GHR: variants seen among roughly 807,000 people sequenced by gnomAD.
The protein encoded by GHR is growth hormone receptor, also known as GH receptor.
A neutral mutation model predicts 67.1 loss-of-function variants in GHR; 35 were observed. The observed-to-expected ratio is 0.52, with a 90% CI of 0.40 to 0.69. GHR has a LOEUF of 0.69. Ranked by LOEUF, GHR falls within the 30% of genes least tolerant of loss-of-function variation. GHR has a pLI of 0.00. For missense variants in GHR, 792 were observed against 764.6 expected, an observed-to-expected ratio of 1.04 and a Z score of -0.42; for synonymous variants, 272 against 269.1, an observed-to-expected ratio of 1.01 and a Z score of -0.10.
At chr5:42,706,375 C>A (rs1049655780) in intron 6 of GHR, among the ~76,000 whole-genome samples, 1 of 152,126 alleles carries the variant, frequency 6.6e-6, no homozygotes, top group Non-Finnish European at 1.5e-5. Context: ...TTTTGCTGTG[C>A]AGAAGCTCTT....
At chr5:42,433,890 G>A (rs1396768) in intron 1 of GHR, among the ~76,000 whole-genome samples, 33,064 of 151,676 alleles carry the variant, frequency 0.22, 3,899 homozygotes, top group Middle Eastern at 0.28. Flanking sequence ...TTTGTTATCC[G>A]TTGGAAGCTC....
At chr5:42,597,924 T>A (rs1380257445) in intron 2 of GHR, among the ~76,000 whole-genome samples, 1 of 152,186 alleles carries the variant, frequency 6.6e-6, no homozygotes, top group Non-Finnish European at 1.5e-5. Flanking sequence ...GGGATTCAAG[T>A]ACAAAATAGT....
chr5:42,711,361 C>A lies in GHR; in HGVS notation c.773C>A (p.Thr258Lys). 6.2e-7 allele frequency: 1 copy of A among 1,609,698 alleles called. No individual in the cohort carries two copies. Among genetic ancestry groups the A allele is most frequent in the Non-Finnish European group, 8.5e-7 (1 of 1,175,994 alleles). The change falls in exon 7 of 10, where the codon ACA (threonine) becomes AAA (lysine). Residue 258 changes from threonine (T) to lysine (K), a missense_variant. Thr to Lys is a moderately conservative substitution (Grantham distance 78, BLOSUM62 -1). Coordinates refer to ENST00000230882, the MANE Select transcript of GHR (RefSeq NM_000163.5). ...ACACTTCCTCAGATGAGCCAATTTA[C>A]ATGTGAAGAAGGTAAAAGAAATAAA... ...YVTLPQMSQFTCEEDFYFPWL... is the reference protein window; with the variant it reads ...YVTLPQMSQFKCEEDFYFPWL...
chr5:42,477,152 G>A (rs935332387), intron 1 of GHR, among the ~76,000 whole-genome samples: 9 of 150,670 alleles, frequency 6.0e-5, no homozygotes, highest in East Asian at 5.9e-4. Flanking sequence ...TTTTCCTTGC[G>A]ATACTTTGCT....
At chr5:42,621,043 G>T (rs575416021) in intron 2 of GHR, among the ~76,000 whole-genome samples, 1 of 152,198 alleles carries the variant, frequency 6.6e-6, no homozygotes, top group South Asian at 2.1e-4. Context: ...GCATTGCTGT[G>T]ATTAATCTGC....
At chr5:42,463,907 G>A (rs1300608783) in intron 1 of GHR, among the ~76,000 whole-genome samples, 18 of 143,824 alleles carry the variant, frequency 1.3e-4, no homozygotes, top group Non-Finnish European at 2.4e-4. Context: ...GCAGGAGAAT[G>A]GCGTGAACCC....
rs117136934 is a variant in GHR, at chr5:42,653,026, C to T, written c.136+23923C>T. Among the ~76,000 whole-genome samples, 160 of 152,226 alleles carry T rather than the reference C, an allele frequency of 1.1e-3. 2 individuals carry two copies. The East Asian group carries it at 0.029, about 28-fold the overall frequency. Reference sequence around the variant, plus strand: ...TTTTCTCATCTTTACAAAAGGATTACGATCAACCCCCATCTCATACTGTGG... The same window carrying T: ...TTTTCTCATCTTTACAAAAGGATTATGATCAACCCCCATCTCATACTGTGG... On this transcript the variant is annotated intron_variant, in intron 3 of 9. Transcript: ENST00000230882.
chr5:42,487,477 T>A (rs1029026803), intron 1 of GHR, among the ~76,000 whole-genome samples: 15 of 152,170 alleles, frequency 9.9e-5, no homozygotes, highest in African/African-American at 3.4e-4. Context: ...TAGCTGTCAC[T>A]CCACGTTTCA....
chr5:42,539,262 C>A (rs1748396143), intron 1 of GHR, among the ~76,000 whole-genome samples: 1 of 152,238 alleles, frequency 6.6e-6, no homozygotes, highest in South Asian at 2.1e-4. Context: ...AAGAGCCTTG[C>A]TTTGTCATAT....
At chr5:42,579,147 TAGATATAG>T (rs750876019) in intron 2 of GHR, among the ~76,000 whole-genome samples, 4,512 of 63,118 alleles carry the variant, frequency 0.071, 123 homozygotes, top group Non-Finnish European at 0.085. Flanking sequence ...AGATGATAGA[TAGATATAG>T]ATAGATAGAT....
chr5:42,451,532 G>T (rs1744050061), intron 1 of GHR, among the ~76,000 whole-genome samples: 1 of 151,696 alleles, frequency 6.6e-6, no homozygotes, highest in South Asian at 2.1e-4. Flanking sequence ...ACAAGGTCAG[G>T]AGTTCTACTA....
Position 42,429,816 on chromosome 5 carries a change from T to C in GHR, c.-12+5861T>C, listed in dbSNP as rs1579682061. On this transcript the variant is annotated intron_variant, in intron 1 of 9. Coordinates refer to ENST00000230882, the MANE Select transcript of GHR (RefSeq NM_000163.5). ...CTACATGTTATAGACAGGTAGGGAC[T>C]ATGATGTATTTTTTTCATAGGCCTC... Among the ~76,000 whole-genome samples the C allele has an allele frequency of 1.3e-5, 2 of 152,328 alleles. 1 individual carries two copies. The highest frequency in any genetic ancestry group is 4.8e-5 in the African/African-American group (2 of 41,576).
At chr5:42,641,282 A>AT (rs1336976360) in intron 3 of GHR, among the ~76,000 whole-genome samples, 1 of 152,170 alleles carries the variant, frequency 6.6e-6, no homozygotes, top group Non-Finnish European at 1.5e-5. Flanking sequence ...TCTAAGCTTT[A>AT]TAACACTTAC....
intron 1 of GHR, among the ~76,000 whole-genome samples, chr5:42,528,191 G>T (rs1189366699): frequency 1.3e-5 from 2 of 152,002 alleles, no homozygotes; most frequent in African/African-American, 2.4e-5. Context: ...ATCTTGTAAG[G>T]CTATAGTTGC....
chr5:42,479,364 T>TGGCAGA lies in GHR; in HGVS notation c.-12+55410_-12+55411insGCAGAG, dbSNP rs1745501215. Among the ~76,000 whole-genome samples, 3 of 152,358 alleles carry TGGCAGA rather than the reference T, an allele frequency of 2.0e-5. No individual in the cohort carries two copies. The South Asian group carries it at 6.2e-4, about 32-fold the overall frequency. On this transcript the variant is annotated intron_variant, in intron 1 of 9. Transcript: ENST00000230882. ...AAATTCTCTTTTTTGGTTGTGTCTC[T>TGGCAGA]GCCAGGCTTTGGTATCAGGATGATG...
intron 3 of GHR, among the ~76,000 whole-genome samples, chr5:42,647,416 T>TA (rs1415766359): frequency 2.6e-5 from 4 of 151,094 alleles, no homozygotes; most frequent in South Asian, 2.1e-4. Context: ...CTAATAAAAA[T>TA]AAAAAAATAT....
At chr5:42,586,229 A>G (rs1405600354) in intron 2 of GHR, among the ~76,000 whole-genome samples, 2 of 151,766 alleles carry the variant, frequency 1.3e-5, no homozygotes, top group African/African-American at 2.4e-5. Context: ...TTGCCTCCCA[A>G]TCTATCCCTG....
chr5:42,714,518 T>A (rs1758625095), intron 8 of GHR, among the ~76,000 whole-genome samples: 2 of 152,194 alleles, frequency 1.3e-5, no homozygotes, highest in African/African-American at 2.4e-5. Flanking sequence ...AGAATTTTGT[T>A]AGGAAGAAGA....
chr5:42,709,027 G>T (rs1233894684), intron 6 of GHR, among the ~76,000 whole-genome samples: 1 of 152,126 alleles, frequency 6.6e-6, no homozygotes, highest in African/African-American at 2.4e-5. Flanking sequence ...TGAAGCACAG[G>T]CGTCATAAGC....
Sources: gnomAD v4.1 joint callset for allele counts (sites outside exome capture counted in the v4.1 genomes callset) on GRCh38, gnomAD v4.1.1 for gene constraint, MANE v1.5 for transcripts, NCBI Gene and HGNC (gene_info 2026-07-23, HGNC 2026-07-21) for gene names.